Variants in GRID1 observed in about 807,000 individuals in gnomAD.
The protein encoded by GRID1 is glutamate receptor ionotropic, delta-1.
A neutral mutation model predicts 98.0 loss-of-function variants in GRID1; 28 were observed. The ratio of observed to expected loss-of-function variants is 0.29; its 90% confidence interval spans 0.21 to 0.39. The LOEUF (loss-of-function observed/expected upper bound fraction) is 0.39, where lower values mean the gene tolerates loss of function less well. Among genes scored for constraint, GRID1 ranks in the 10% least tolerant of loss-of-function variants. GRID1 has a pLI of 1.00. For synonymous variants in GRID1, 553 were observed against 538.5 expected (o/e 1.03, Z -0.37); for missense variants, 1,111 against 1,340.5 (o/e 0.83, Z 2.67).
intron 3 of GRID1, among the ~76,000 whole-genome samples, chr10:86,148,541 T>C (rs1252076734): frequency 2.0e-5 from 3 of 152,228 alleles, no homozygotes; most frequent in African/African-American, 4.8e-5. Context: ...AAGTGATCTA[T>C]TGTATAAATG....
At chr10:85,724,947 C>A (rs920248080) in intron 10 of GRID1, among the ~76,000 whole-genome samples, 1 of 152,214 alleles carries the variant, frequency 6.6e-6, no homozygotes, top group Non-Finnish European at 1.5e-5. Context: ...CATTTCTCTA[C>A]GAATTATAGT....
intron 8 of GRID1, among the ~76,000 whole-genome samples, chr10:85,736,381 T>C (rs1841884126): frequency 6.6e-6 from 1 of 152,080 alleles, no homozygotes; most frequent in Non-Finnish European, 1.5e-5. Context: ...CTTAATAATA[T>C]CCAACAAGAC....
At chr10:85,817,837 G>T (rs150502473) in intron 8 of GRID1, among the ~76,000 whole-genome samples, 2,595 of 152,154 alleles carry the variant, frequency 0.017, 75 homozygotes, top group Admixed American at 0.068. Flanking sequence ...GTTGCAGTGA[G>T]CCGAGATCTT....
chr10:86,141,530 C>T (rs539443145), intron 3 of GRID1, among the ~76,000 whole-genome samples: 1 of 152,240 alleles, frequency 6.6e-6, no homozygotes, highest in Non-Finnish European at 1.5e-5. Flanking sequence ...GCCACCCACA[C>T]CAAAACCAGC....
intron 12 of GRID1, among the ~76,000 whole-genome samples, chr10:85,682,334 T>G (rs1841219647): frequency 6.6e-6 from 1 of 152,214 alleles, no homozygotes. Flanking sequence ...TGTAAGACAC[T>G]TACTATAGAG....
intron 4 of GRID1, among the ~76,000 whole-genome samples, chr10:85,972,342 G>A (rs1186547369): frequency 6.6e-6 from 1 of 150,878 alleles, no homozygotes; most frequent in Non-Finnish European, 1.5e-5. Context: ...AACCCTAATG[G>A]AAATCAAAGG....
At chr10:85,801,222 C>T (rs1842574092) in intron 8 of GRID1, among the ~76,000 whole-genome samples, 1 of 151,726 alleles carries the variant, frequency 6.6e-6, no homozygotes. Context: ...ATTCTGTTAG[C>T]TTTTGAAAAA....
At chr10:86,241,314 T>C (rs1846628451) in intron 2 of GRID1, among the ~76,000 whole-genome samples, 1 of 152,252 alleles carries the variant, frequency 6.6e-6, no homozygotes, top group Non-Finnish European at 1.5e-5. Context: ...CTCTCTGTCC[T>C]AGCCCTTCAG....
chr10:86,040,580 G>A (rs1269902362), intron 4 of GRID1, among the ~76,000 whole-genome samples: 1 of 151,798 alleles, frequency 6.6e-6, no homozygotes, highest in Non-Finnish European at 1.5e-5. Context: ...AGAGACTGAG[G>A]AGAAAAGGGC....
chr10:86,264,326 G>A (rs2607832), intron 2 of GRID1, among the ~76,000 whole-genome samples: 5,999 of 152,152 alleles, frequency 0.039, 231 homozygotes, highest in Admixed American at 0.11. Flanking sequence ...TCCTTGGCCC[G>A]GAAACTTGCT....
chr10:86,359,816 T>A (rs192276508), intron 2 of GRID1, among the ~76,000 whole-genome samples: 99 of 152,364 alleles, frequency 6.5e-4, no homozygotes, highest in African/African-American at 2.4e-3. Context: ...TGAAATTTTT[T>A]TATTTAACAA....
chr10:86,240,934 C>T (rs139307079), intron 2 of GRID1, among the ~76,000 whole-genome samples: 6 of 152,346 alleles, frequency 3.9e-5, no homozygotes, highest in Non-Finnish European at 5.9e-5. Flanking sequence ...GGTGTCCCTG[C>T]CAGGCTGGGT....
rs571056937 is a variant in GRID1 at position 85,791,223 on chromosome 10, C to A, written c.1234-61609G>T. On this transcript the variant is annotated intron_variant, in intron 8 of 15. Coordinates refer to ENST00000327946, the MANE Select transcript of GRID1 (RefSeq NM_017551.3). ...GTTGGCCCCCAAATCCAACAGGAGG[C>A]CAAGCAAGGCAGAAACTGTGTTGTG... Among the ~76,000 whole-genome samples the A allele has an allele frequency of 9.2e-5, 14 of 152,298 alleles. 1 individual carries two copies. Among genetic ancestry groups the A allele is most frequent in the African/African-American group, 3.1e-4 (13 of 41,562 alleles).
intron 2 of GRID1, among the ~76,000 whole-genome samples, chr10:86,216,328 A>G (rs1268557663): frequency 6.6e-6 from 1 of 152,266 alleles, no homozygotes; most frequent in Non-Finnish European, 1.5e-5. Context: ...CAATTGAATG[A>G]GCTGAGTGAA....
At chr10:86,166,142 C>A (rs1424375496) in intron 3 of GRID1, among the ~76,000 whole-genome samples, 2 of 152,018 alleles carry the variant, frequency 1.3e-5, no homozygotes, top group Non-Finnish European at 2.9e-5. Context: ...ACTTTAAGTT[C>A]TAGGGTACAT....
intron 4 of GRID1, among the ~76,000 whole-genome samples, chr10:86,075,661 G>A (rs1459301566): frequency 6.6e-6 from 1 of 152,184 alleles, no homozygotes; most frequent in Non-Finnish European, 1.5e-5. Flanking sequence ...CACTGCCCGT[G>A]GCCACCATAA....
chr10:85,663,354 C>T (rs1840986771), intron 12 of GRID1, among the ~76,000 whole-genome samples: 1 of 152,140 alleles, frequency 6.6e-6, no homozygotes, highest in Non-Finnish European at 1.5e-5. Flanking sequence ...ATCTACAAGC[C>T]AAAGAACACC....
In GRID1 at chr10:85,869,250, G is replaced by A. The variant is rs1441015207; in HGVS notation, c.781-70C>T. On this transcript the variant is annotated intron_variant, in intron 5 of 15. Coordinates refer to ENST00000327946, the MANE Select transcript of GRID1 (RefSeq NM_017551.3). ...ATCTCTGCAAGAGACCTATCAGGAG[G>A]CATCTAGGCCAGCAGCCTGAAAAGC... 4 of 1,383,424 alleles carry A rather than the reference G, an allele frequency of 2.9e-6. No homozygotes were observed. The Admixed American group carries it at 5.1e-5, about 18-fold the overall frequency. 85.7% of individuals were successfully genotyped at this position (1,383,424 alleles called of 1,614,324 possible).
chr10:85,751,952 G>A lies in GRID1; in HGVS notation c.1234-22338C>T, dbSNP rs140946789. ...GCTATGGCCAAGTCAATGACTAGCT[G>A]AAAGTAACCATCCCCATATTTCTGC... On this transcript the variant is annotated intron_variant, in intron 8 of 15. Transcript: ENST00000327946. Among the ~76,000 whole-genome samples the A allele has an allele frequency of 6.5e-4, 99 of 152,302 alleles. 1 individual carries two copies. Among genetic ancestry groups the A allele is most frequent in the Admixed American group, 2.4e-3 (37 of 15,288 alleles).
Sources: gnomAD v4.1 joint callset for allele counts (sites outside exome capture counted in the v4.1 genomes callset) on GRCh38, gnomAD v4.1.1 for gene constraint, MANE v1.5 for transcripts, NCBI Gene and HGNC (gene_info 2026-07-23, HGNC 2026-07-21) for gene names.